The following NFIA variants were observed in gnomAD, a reference collection of about 807,000 sequenced individuals.
NFIA encodes the protein nuclear factor 1 A-type.
Under a neutral mutation model 62.8 loss-of-function variants are expected in NFIA, and 8 were observed. The observed-to-expected ratio is 0.13, with a 90% CI of 0.07 to 0.23. The LOEUF (loss-of-function observed/expected upper bound fraction) is 0.23. NFIA is among the 10% of genes least tolerant of loss of function. The pLI is 1.00. For missense variants in NFIA, 410 were observed against 642.1 expected (o/e 0.64, Z 3.91); for synonymous variants, 235 against 238.1 (o/e 0.99, Z 0.12).
At chr1:61,328,171 G>A (rs1251094966) in intron 3 of NFIA, among the ~76,000 whole-genome samples, 7 of 150,898 alleles carry the variant, frequency 4.6e-5, no homozygotes, top group Non-Finnish European at 8.8e-5. Context: ...TTTGTTGTAT[G>A]CATATTTCTT....
Position 61,145,933 on chromosome 1 carries a change from A to G in NFIA, c.559+57253A>G, listed in dbSNP as rs1055712320. Among the ~76,000 whole-genome samples, 7 of 152,088 alleles carry G rather than the reference A, an allele frequency of 4.6e-5. No homozygotes were observed. The East Asian group carries it at 9.6e-4, about 21-fold the overall frequency. ...TACAAGTCCTGTGTTTTAGTTTCCT[A>G]TTGCTGCTGTAAAAAATCAACATGA... is the stretch of plus-strand genomic sequence containing the variant. On this transcript the variant is annotated intron_variant, in intron 2 of 10. Transcript: ENST00000403491.
At position 61,087,946 on chromosome 1, in the gene NFIA, G is replaced by A. The variant is rs56772010; in HGVS notation, c.28-203G>A. On this transcript the variant is annotated intron_variant, in intron 1 of 10. Coordinates refer to ENST00000403491, the MANE Select transcript of NFIA (RefSeq NM_001134673.4). ...AATTTTCAGCAGTTTTTTTATTTCC[G>A]ATCATAAGAAATGATACTGATAGTT... 8.9e-3 allele frequency among the ~76,000 whole-genome samples: 1,356 copies of A among 151,902 alleles called. 18 individuals are homozygous for A. The highest frequency in any genetic ancestry group is 0.031 in the African/African-American group (1,302 of 41,430).
intron 2 of NFIA, among the ~76,000 whole-genome samples, chr1:61,154,252 C>T (rs927643217): frequency 6.6e-6 from 1 of 152,052 alleles, no homozygotes; most frequent in Non-Finnish European, 1.5e-5. Context: ...TGGCTCACCG[C>T]CTCCCAGATT....
At chr1:61,398,045 G>T (rs978413145) in intron 7 of NFIA, among the ~76,000 whole-genome samples, 1 of 152,180 alleles carries the variant, frequency 6.6e-6, no homozygotes, top group Non-Finnish European at 1.5e-5. Context: ...GAGTGAACAA[G>T]AATTTTGTGG....
At chr1:61,297,750 T>G (rs994487997) in intron 3 of NFIA, among the ~76,000 whole-genome samples, 1 of 152,200 alleles carries the variant, frequency 6.6e-6, no homozygotes, top group Non-Finnish European at 1.5e-5. Flanking sequence ...GTAAATATGC[T>G]AAGTGCTCTA....
intron 3 of NFIA, among the ~76,000 whole-genome samples, chr1:61,288,117 G>A (rs1658624993): frequency 2.0e-5 from 3 of 152,162 alleles, no homozygotes; most frequent in Non-Finnish European, 2.9e-5. Flanking sequence ...GAGTGTATAA[G>A]TTTAATTAGT....
intron 3 of NFIA, among the ~76,000 whole-genome samples, chr1:61,319,835 A>ACACACACACACACACACACC (rs1254829829): frequency 7.1e-6 from 1 of 140,964 alleles, no homozygotes; most frequent in African/African-American, 2.6e-5. Flanking sequence ...ACACACACAC[A>ACACACACACACACACACACC]CCAACTTTCA....
chr1:61,125,327 C>T (rs1039616003), intron 2 of NFIA: 9 of 152,126 alleles, frequency 5.9e-5, no homozygotes, highest in African/African-American at 1.4e-4. Context: ...TCAGAATAGC[C>T]CTTTGCTTTT....
chr1:61,113,841 C>T (rs1055949124), intron 2 of NFIA, among the ~76,000 whole-genome samples: 6 of 151,936 alleles, frequency 3.9e-5, no homozygotes, highest in South Asian at 2.1e-4. Context: ...GGTCGGTTGG[C>T]GAGTTTGGTT....
chr1:61,085,750 G>T (rs972481434), intron 1 of NFIA, among the ~76,000 whole-genome samples: 3 of 152,098 alleles, frequency 2.0e-5, no homozygotes, highest in Admixed American at 2.0e-4. Context: ...ACTTTTACTG[G>T]CAGGTTCTTA....
At chr1:61,325,070 G>A (rs6587915) in intron 3 of NFIA, among the ~76,000 whole-genome samples, 130,654 of 152,208 alleles carry the variant, frequency 0.86, 56,177 homozygotes, top group East Asian at 0.95. Context: ...ATAGCACATT[G>A]TGCAACCTGG....
chr1:61,421,800 A>T (rs994366965), intron 9 of NFIA, among the ~76,000 whole-genome samples: 1 of 152,166 alleles, frequency 6.6e-6, no homozygotes, highest in Middle Eastern at 3.2e-3. Context: ...AAATCTGGCT[A>T]AATTTTCTCC....
chr1:61,129,076 C>T (rs1346261792), intron 2 of NFIA, among the ~76,000 whole-genome samples: 1 of 151,646 alleles, frequency 6.6e-6, no homozygotes, highest in East Asian at 1.9e-4. Context: ...ACGCCCACCA[C>T]CACGCCCGGC....
chr1:61,409,858 T>C (rs1666020242), intron 9 of NFIA, among the ~76,000 whole-genome samples: 1 of 152,178 alleles, frequency 6.6e-6, no homozygotes, highest in Non-Finnish European at 1.5e-5. Context: ...AGTTTTTCCT[T>C]TGAAGCCCTT....
rs541975843 is a variant in NFIA, at chr1:61,117,271, G to A, written c.559+28591G>A. 2.6e-5 allele frequency among the ~76,000 whole-genome samples: 4 copies of A among 152,140 alleles called. 1 individual carries two copies. The South Asian group carries it at 8.3e-4, about 32-fold the overall frequency. On this transcript the variant is annotated intron_variant, in intron 2 of 10. Coordinates refer to ENST00000403491, the MANE Select transcript of NFIA (RefSeq NM_001134673.4). ...TAGTGGACTTCTGGTGAAATTATGT[G>A]GCTACCTTCCATTAATGTTAATGGA...
rs554114045 is a variant in NFIA, at chr1:61,254,779, T to C, written c.560-22741T>C. Reference sequence around the variant, plus strand: ...GCAGATATCTGCATATAGTTAGTCATGTGGACACACCCTTCCTCTGCTACA... The same window carrying C: ...GCAGATATCTGCATATAGTTAGTCACGTGGACACACCCTTCCTCTGCTACA... On this transcript the variant is annotated intron_variant, in intron 2 of 10. Transcript: ENST00000403491. Among the ~76,000 whole-genome samples the C allele has an allele frequency of 1.1e-3, 168 of 152,366 alleles. 1 individual carries two copies. In the Middle Eastern group the frequency reaches 0.017, roughly 15 times the overall value.
intron 2 of NFIA, among the ~76,000 whole-genome samples, chr1:61,102,597 T>C (rs774434789): frequency 4.3e-4 from 65 of 152,292 alleles, no homozygotes; most frequent in Non-Finnish European, 6.3e-4. Flanking sequence ...TCATATAATA[T>C]GAATAAAACT....
At chr1:61,243,687 A>G (rs1487094125) in intron 2 of NFIA, among the ~76,000 whole-genome samples, 1 of 152,220 alleles carries the variant, frequency 6.6e-6, no homozygotes, top group East Asian at 1.9e-4. Context: ...AAGCAAGTAG[A>G]ATTTTTTCAA....
chr1:61,335,364 G>A (rs1402299392), intron 4 of NFIA, among the ~76,000 whole-genome samples: 4 of 151,548 alleles, frequency 2.6e-5, no homozygotes, highest in Admixed American at 6.5e-5. Flanking sequence ...CGTCACCTAC[G>A]CACCCTCCTG....
Sources: allele counts gnomAD v4.1 joint callset (sites outside exome capture counted in the v4.1 genomes callset), GRCh38; gene constraint gnomAD v4.1.1; transcripts MANE v1.5; gene names NCBI Gene and HGNC (gene_info 2026-07-23, HGNC 2026-07-21).